RASA1: variants seen among roughly 807,000 people sequenced by gnomAD.
RASA1 encodes the protein RAS p21 protein activator 1.
A neutral mutation model predicts 132.2 loss-of-function variants in RASA1; 25 were observed. The ratio of observed to expected loss-of-function variants is 0.19; its 90% confidence interval spans 0.14 to 0.26. RASA1 has a LOEUF of 0.26. Ranked by LOEUF, RASA1 falls within the 10% of genes least tolerant of loss-of-function variation. RASA1 has a pLI of 1.00. For synonymous variants in RASA1, 477 were observed against 449.9 expected, an observed-to-expected ratio of 1.06 and a Z score of -0.76; for missense variants, 964 against 1,299.2, an observed-to-expected ratio of 0.74 and a Z score of 3.97.
rs1196898623 is a variant in RASA1, at chr5:87,383,798, C to T, written c.2758+18C>T. Reference sequence around the variant, plus strand: ...CATCTCAGGTAATCAGCTTTTGATACATTTTGAAATTCAAAATATTAGAAT... The same window carrying T: ...CATCTCAGGTAATCAGCTTTTGATATATTTTGAAATTCAAAATATTAGAAT... On this transcript the variant is annotated intron_variant, in intron 21 of 24. Transcript: ENST00000274376. The T allele has an allele frequency of 1.3e-6, 2 of 1,574,862 alleles. No homozygotes were observed. Among genetic ancestry groups the T allele is most frequent in the Non-Finnish European group, 1.7e-6 (2 of 1,149,674 alleles).
intron 1 of RASA1, among the ~76,000 whole-genome samples, chr5:87,272,083 C>T (rs1419783817): frequency 1.3e-5 from 2 of 149,412 alleles, no homozygotes; most frequent in East Asian, 2.0e-4. Context: ...AGGGAGGGGG[C>T]GGTTGCAGTG....
At chr5:87,358,511 A>G (rs1759827795) in intron 9 of RASA1, among the ~76,000 whole-genome samples, 1 of 152,120 alleles carries the variant, frequency 6.6e-6, no homozygotes, top group African/African-American at 2.4e-5. Context: ...TCTGTCTTCA[A>G]AGTATGTCTA....
chr5:87,337,935 A>G (rs1758093717), intron 4 of RASA1, 39 bp from the exon 5 acceptor site: 2 of 1,547,060 alleles, frequency 1.3e-6, no homozygotes, highest in Admixed American at 1.9e-5. Flanking sequence ...CTGTATTTAA[A>G]ATTTTTAAAT....
chr5:87,357,953 T>TA (rs1363356240), intron 9 of RASA1, among the ~76,000 whole-genome samples: 1 of 152,210 alleles, frequency 6.6e-6, no homozygotes, highest in Non-Finnish European at 1.5e-5. Flanking sequence ...ATTTGTAGTC[T>TA]ATTATTTTGG....
chr5:87,330,966 C>T, intron 1 of RASA1: 1 of 1,432,124 alleles, frequency 7.0e-7, no homozygotes, highest in Non-Finnish European at 9.1e-7. Flanking sequence ...AGTCATGGTT[C>T]CTCAGTATAA....
chr5:87,379,599 A>G, intron 18 of RASA1, 136 bp from the exon 19 acceptor site: 2 of 1,236,986 alleles, frequency 1.6e-6, no homozygotes, highest in Non-Finnish European at 2.2e-6. Flanking sequence ...CTCCCATTAT[A>G]CAAAGAAAAA....
intron 12 of RASA1, 148 bp downstream of exon 12, chr5:87,370,048 A>G: frequency 1.3e-6 from 1 of 765,282 alleles, no homozygotes; most frequent in South Asian, 1.8e-5. Flanking sequence ...GAGATTTCAT[A>G]TGTAAAAAGT....
intron 1 of RASA1, among the ~76,000 whole-genome samples, chr5:87,308,780 C>T (rs1383327616): frequency 6.6e-6 from 1 of 152,020 alleles, no homozygotes; most frequent in Admixed American, 6.6e-5. Flanking sequence ...ACACAAATAC[C>T]ACTGTGTGAA....
chr5:87,379,822 A>G lies in RASA1; in HGVS notation c.2575A>G (p.Ile859Val). Reference sequence around the variant, plus strand: ...CATACTTTCAGAGCTTGTGGAGAAAATATTCATGGCTTCAGAAATACTTCC... The same window carrying G: ...CATACTTTCAGAGCTTGTGGAGAAAGTATTCATGGCTTCAGAAATACTTCC... ...LNILSELVEK[I>V]FMASEILPPT... The change falls in exon 19 of 25, where the codon ATA (isoleucine) becomes GTA (valine). Residue 859 changes from isoleucine (I) to valine (V), a missense_variant. Coordinates refer to ENST00000274376, the MANE Select transcript of RASA1 (RefSeq NM_002890.3). 1 of 1,612,794 alleles carries G rather than the reference A, an allele frequency of 6.2e-7. No homozygotes were observed. The highest frequency in any genetic ancestry group is 8.5e-7 in the Non-Finnish European group (1 of 1,179,102).
In RASA1 at chr5:87,372,168, A is replaced by G; in HGVS notation, c.1749A>G (p.Pro583=). Residue 583 remains proline, a synonymous_variant, in exon 13 of 25, where the codon CCA becomes CCG. Coordinates refer to ENST00000274376, the MANE Select transcript of RASA1 (RefSeq NM_002890.3). ...TTTGCAATTTACGGAAAAGTAGTCC[A>G]GGGACATCCAATAAACGCCTTCGTC... is the stretch of plus-strand genomic sequence containing the variant. ...QAFCNLRKSS[P]GTSNKRLRQV... is the part of the protein sequence containing the mutation. 1 of 1,613,734 alleles carries G rather than the reference A, an allele frequency of 6.2e-7. No individual in the cohort carries two copies. The highest frequency in any genetic ancestry group is 1.7e-4 in the Middle Eastern group (1 of 6,056).
At chr5:87,332,037 T>C (rs1307923061) in intron 2 of RASA1, among the ~76,000 whole-genome samples, 1 of 152,170 alleles carries the variant, frequency 6.6e-6, no homozygotes, top group Non-Finnish European at 1.5e-5. Flanking sequence ...TAGTGTTAAA[T>C]GATAAAATGT....
At chr5:87,338,544 T>C (rs1325363609) in intron 5 of RASA1, among the ~76,000 whole-genome samples, 1 of 137,926 alleles carries the variant, frequency 7.3e-6, no homozygotes, top group East Asian at 2.2e-4. Flanking sequence ...AAATTTTTTT[T>C]TTTTTTAAGT....
chr5:87,383,684 A>G, intron 20 of RASA1, 29 bp from the exon 21 acceptor site: 1 of 1,583,948 alleles, frequency 6.3e-7, no homozygotes, highest in South Asian at 1.1e-5. Context: ...TTTCTAAAAA[A>G]AAAAAAAAAA....
intron 1 of RASA1, among the ~76,000 whole-genome samples, chr5:87,283,219 A>T (rs7701872): frequency 0.1 from 10,241 of 99,728 alleles, 809 homozygotes; most frequent in African/African-American, 0.26. Flanking sequence ...CCTTTTTCTT[A>T]GCTGAAATTT....
At chr5:87,301,499 C>T (rs549267273) in intron 1 of RASA1, among the ~76,000 whole-genome samples, 1 of 151,118 alleles carries the variant, frequency 6.6e-6, no homozygotes, top group African/African-American at 2.4e-5. Flanking sequence ...CTGCCTAATA[C>T]ACACACCACC....
At chr5:87,324,652 T>C (rs1333424423) in intron 1 of RASA1, among the ~76,000 whole-genome samples, 1 of 152,232 alleles carries the variant, frequency 6.6e-6, no homozygotes, top group Admixed American at 6.5e-5. Context: ...CATGCACGCA[T>C]GTGCACACAC....
chr5:87,292,338 G>T (rs1283240979), intron 1 of RASA1, among the ~76,000 whole-genome samples: 2 of 147,594 alleles, frequency 1.4e-5, no homozygotes, highest in Non-Finnish European at 3.0e-5. Context: ...GTTAAATTTT[G>T]TGAAGGCTGT....
At chr5:87,279,746 A>G (rs895366945) in intron 1 of RASA1, among the ~76,000 whole-genome samples, 1 of 152,166 alleles carries the variant, frequency 6.6e-6, no homozygotes, top group Non-Finnish European at 1.5e-5. Flanking sequence ...TCTAATGTCT[A>G]ATTATATTAG....
rs186780621 is a variant in RASA1 at position 87,289,602 on chromosome 5, T to C, written c.539+20612T>C. ...GCAGAGATACATGCAGGCATGCATG[T>C]ATTTTATTTTATTATTATTATTTTT... On this transcript the variant is annotated intron_variant, in intron 1 of 24. Coordinates refer to ENST00000274376, the MANE Select transcript of RASA1 (RefSeq NM_002890.3). Among the ~76,000 whole-genome samples the C allele has an allele frequency of 1.7e-3, 254 of 152,138 alleles. 1 individual carries two copies. The highest frequency in any genetic ancestry group is 5.9e-3 in the African/African-American group (244 of 41,506).
Sources: allele counts gnomAD v4.1 joint callset (sites outside exome capture counted in the v4.1 genomes callset), GRCh38; gene constraint gnomAD v4.1.1; transcripts MANE v1.5; gene names NCBI Gene and HGNC (gene_info 2026-07-23, HGNC 2026-07-21).